The following CDH12 variants were observed in gnomAD, a reference collection of about 807,000 sequenced individuals.
CDH12 encodes the protein cadherin 12.
In CDH12, 41 loss-of-function variants were observed where a neutral mutation model predicts 74.1. The observed-to-expected ratio is 0.55, with a 90% CI of 0.43 to 0.72. CDH12 has a LOEUF of 0.72. Among genes scored for constraint, CDH12 ranks in the 30% least tolerant of loss-of-function variants. The pLI is 0.00. For missense variants in CDH12, 945 were observed against 977.2 expected (o/e 0.97, Z 0.44); for synonymous variants, 399 against 355.0 (o/e 1.12, Z -1.39).
chr5:22,724,421 ATC>A (rs1744059095), intron 1 of CDH12, among the ~76,000 whole-genome samples: 1 of 151,824 alleles, frequency 6.6e-6, no homozygotes, highest in African/African-American at 2.4e-5. Context: ...AGTGCATTAT[ATC>A]ATTCTTATGC....
chr5:22,727,520 A>G (rs1554062172), intron 1 of CDH12, among the ~76,000 whole-genome samples: 1 of 151,694 alleles, frequency 6.6e-6, no homozygotes, highest in East Asian at 1.9e-4. Flanking sequence ...TGTTGTTTAT[A>G]TAGTCATTAC....
intron 3 of CDH12, among the ~76,000 whole-genome samples, chr5:22,281,548 C>CA (rs916322818): frequency 6.6e-6 from 1 of 152,116 alleles, no homozygotes; most frequent in Non-Finnish European, 1.5e-5. Flanking sequence ...AATCAACGTG[C>CA]AAAAATCACA....
At chr5:22,326,576 A>C (rs1739117366) in intron 3 of CDH12, among the ~76,000 whole-genome samples, 1 of 152,214 alleles carries the variant, frequency 6.6e-6, no homozygotes, top group Admixed American at 6.5e-5. Flanking sequence ...AAAGAACAAC[A>C]GCGTTAACAT....
At chr5:22,474,733 G>A (rs989777467) in intron 2 of CDH12, among the ~76,000 whole-genome samples, 1 of 152,062 alleles carries the variant, frequency 6.6e-6, no homozygotes, top group Non-Finnish European at 1.5e-5. Context: ...AGATCAGAAT[G>A]TGGATATTGA....
chr5:22,779,979 T>C, intron 1 of CDH12, among the ~76,000 whole-genome samples: 2 of 152,344 alleles, frequency 1.3e-5, no homozygotes, highest in Middle Eastern at 3.4e-3. Context: ...AAATAAATTA[T>C]GTATAAGTTC....
At chr5:22,378,792 T>C (rs1490529957) in intron 3 of CDH12, among the ~76,000 whole-genome samples, 1 of 152,140 alleles carries the variant, frequency 6.6e-6, no homozygotes, top group East Asian at 1.9e-4. Context: ...AAATTACTTG[T>C]ATTGGGTTTC....
chr5:21,884,052 T>A lies in CDH12; in HGVS notation c.527-29262A>T, dbSNP rs73742024. On this transcript the variant is annotated intron_variant, in intron 6 of 14. Coordinates refer to ENST00000382254, the MANE Select transcript of CDH12 (RefSeq NM_004061.5). ...TGCTACGAATGCAGGTGTTGAAGGATCTTTGATAGTTGAGAAAATTATGCA... is the reference window on the plus strand; with the variant it reads ...TGCTACGAATGCAGGTGTTGAAGGAACTTTGATAGTTGAGAAAATTATGCA... The A allele has an allele frequency of 2.7e-4, 382 of 1,438,200 alleles. 2 individuals carry two copies. In the African/African-American group the frequency reaches 3.8e-3, roughly 14 times the overall value. The allele number at this position is 1,438,200 out of a possible 1,614,324, so 89.1% of individuals were successfully genotyped here.
chr5:22,711,208 A>G (rs958837243), intron 1 of CDH12, among the ~76,000 whole-genome samples: 2 of 152,158 alleles, frequency 1.3e-5, no homozygotes, highest in Non-Finnish European at 2.9e-5. Context: ...ATAGCATCAT[A>G]TGCAATACAA....
At chr5:22,413,648 C>T (rs1743256723) in intron 2 of CDH12, among the ~76,000 whole-genome samples, 2 of 151,972 alleles carry the variant, frequency 1.3e-5, no homozygotes, top group Non-Finnish European at 2.9e-5. Context: ...ATAGCTATGG[C>T]ATATGGGCTT....
chr5:22,746,887 G>T (rs1040790134), intron 1 of CDH12, among the ~76,000 whole-genome samples: 1 of 152,174 alleles, frequency 6.6e-6, no homozygotes, highest in African/African-American at 2.4e-5. Flanking sequence ...TAATCATTAT[G>T]TGGTAGACAC....
chr5:22,052,329 A>G (rs1740430449), intron 5 of CDH12, among the ~76,000 whole-genome samples: 1 of 152,080 alleles, frequency 6.6e-6, no homozygotes, highest in Admixed American at 6.6e-5. Context: ...CACTTCAATG[A>G]GCATAACTGG....
chr5:21,925,644 T>C (rs950919770), intron 6 of CDH12, among the ~76,000 whole-genome samples: 2 of 152,230 alleles, frequency 1.3e-5, no homozygotes, highest in Non-Finnish European at 1.5e-5. Context: ...ATTTTTCATT[T>C]TGCTCTTTCT....
chr5:22,624,419 G>A (rs1296904789), intron 1 of CDH12, among the ~76,000 whole-genome samples: 1 of 151,896 alleles, frequency 6.6e-6, no homozygotes, highest in Non-Finnish European at 1.5e-5. Flanking sequence ...TCTGACAAAG[G>A]GCTAATATCC....
intron 3 of CDH12, among the ~76,000 whole-genome samples, chr5:22,381,305 C>T (rs910166165): frequency 6.6e-6 from 1 of 151,890 alleles, no homozygotes; most frequent in Non-Finnish European, 1.5e-5. Flanking sequence ...GATCTGTAAA[C>T]GTTTCACTTT....
At chr5:22,350,798 T>G (rs1220089856) in intron 3 of CDH12, among the ~76,000 whole-genome samples, 3 of 152,214 alleles carry the variant, frequency 2.0e-5, no homozygotes, top group South Asian at 2.1e-4. Flanking sequence ...TGGATTAATG[T>G]TAAATCTAAT....
At chr5:22,705,771 G>C (rs1425921289) in intron 1 of CDH12, among the ~76,000 whole-genome samples, 1 of 151,802 alleles carries the variant, frequency 6.6e-6, no homozygotes, top group Admixed American at 6.6e-5. Context: ...ATGAAAAAAA[G>C]CATTACCACA....
intron 11 of CDH12, among the ~76,000 whole-genome samples, chr5:21,780,508 G>C (rs1745846269): frequency 6.6e-6 from 1 of 152,316 alleles, no homozygotes; most frequent in South Asian, 2.1e-4. Flanking sequence ...CATCCATCTA[G>C]AGTTAAGGCA....
chr5:22,273,854 C>T (rs1262758964), intron 3 of CDH12, among the ~76,000 whole-genome samples: 1 of 152,010 alleles, frequency 6.6e-6, no homozygotes, highest in Non-Finnish European at 1.5e-5. Context: ...TTAAAACGTG[C>T]AAAAACAGAA....
chr5:22,409,404 C>A (rs1180714373), intron 2 of CDH12, among the ~76,000 whole-genome samples: 4 of 151,848 alleles, frequency 2.6e-5, no homozygotes, highest in Non-Finnish European at 5.9e-5. Context: ...AAAGATACCC[C>A]ATATTTCAAT....
Sources: gnomAD v4.1 joint callset for allele counts (sites outside exome capture counted in the v4.1 genomes callset) on GRCh38, gnomAD v4.1.1 for gene constraint, MANE v1.5 for transcripts, NCBI Gene and HGNC (gene_info 2026-07-23, HGNC 2026-07-21) for gene names.